Variants in CSNK2A2IP observed in about 807,000 individuals in gnomAD.
CSNK2A2IP encodes casein kinase 2 subunit alpha' interacting protein.
the CSNK2A2IP span, among the ~76,000 whole-genome samples, chr3:88,405,394 A>G: frequency 6.6e-6 from 1 of 152,152 alleles, no homozygotes; most frequent in South Asian, 2.1e-4. Flanking sequence ...TGTTTGCTAC[A>G]GGAGATCAGA....
the CSNK2A2IP span, among the ~76,000 whole-genome samples, chr3:88,449,866 T>TAGAG: frequency 2.9e-5 from 2 of 69,522 alleles, no homozygotes; most frequent in East Asian, 4.3e-4. Context: ...TATATATATA[T>TAGAG]ATATATATAG....
At chr3:88,366,551 C>G in the CSNK2A2IP span, among the ~76,000 whole-genome samples, 1 of 151,884 alleles carries the variant, frequency 6.6e-6, no homozygotes, top group Non-Finnish European at 1.5e-5. Flanking sequence ...ATTCTGTGTC[C>G]CCTACCATGT....
the CSNK2A2IP span, among the ~76,000 whole-genome samples, chr3:88,395,865 G>A: frequency 1.3e-5 from 2 of 152,060 alleles, no homozygotes; most frequent in East Asian, 1.9e-4. Context: ...ATTCAAGACA[G>A]TATTGTTTAC....
chr3:88,370,610 C>CTTTCTT, the CSNK2A2IP span, among the ~76,000 whole-genome samples: 1 of 148,034 alleles, frequency 6.8e-6, no homozygotes, highest in African/African-American at 2.5e-5. Context: ...CTCTCTCTCT[C>CTTTCTT]TCTTTCTTTC....
At chr3:88,401,103 T>C in the CSNK2A2IP span, among the ~76,000 whole-genome samples, 22 of 152,306 alleles carry the variant, frequency 1.4e-4, no homozygotes, top group African/African-American at 5.3e-4. Context: ...TATTGAGCAG[T>C]ATATAATTTG....
the CSNK2A2IP span, among the ~76,000 whole-genome samples, chr3:88,349,654 T>C: frequency 1.3e-5 from 2 of 152,058 alleles, no homozygotes; most frequent in Non-Finnish European, 2.9e-5. Context: ...AGATGCCCAG[T>C]AGTGGGATTG....
chr3:88,422,364 C>T, the CSNK2A2IP span, among the ~76,000 whole-genome samples: 1 of 152,172 alleles, frequency 6.6e-6, no homozygotes, highest in South Asian at 2.1e-4. Context: ...TTATCTGGTG[C>T]CTATCACAGG....
chr3:88,411,181 A>C, the CSNK2A2IP span, among the ~76,000 whole-genome samples: 1 of 151,926 alleles, frequency 6.6e-6, no homozygotes, highest in Non-Finnish European at 1.5e-5. Flanking sequence ...AATGTGATTA[A>C]ATTAAAATGC....
the CSNK2A2IP span, among the ~76,000 whole-genome samples, chr3:88,354,990 G>A: frequency 1.3e-5 from 2 of 152,064 alleles, no homozygotes; most frequent in Non-Finnish European, 2.9e-5. Context: ...AAGAAAGATA[G>A]GAACCAAGAA....
the CSNK2A2IP span, among the ~76,000 whole-genome samples, chr3:88,456,308 C>T: frequency 6.6e-6 from 1 of 151,926 alleles, no homozygotes; most frequent in Admixed American, 6.6e-5. Flanking sequence ...AACAATATTC[C>T]TTCTTTCAAT....
the CSNK2A2IP span, among the ~76,000 whole-genome samples, chr3:88,380,955 G>A: frequency 1.6e-4 from 25 of 152,266 alleles, no homozygotes; most frequent in African/African-American, 5.8e-4. Context: ...AGAGAGTTTG[G>A]GATGATGTAT....
chr3:88,432,920 A>G, the CSNK2A2IP span, among the ~76,000 whole-genome samples: 5 of 151,940 alleles, frequency 3.3e-5, no homozygotes, highest in South Asian at 1.0e-3. Context: ...TCTGGTTCAC[A>G]GCTCATATAT....
chr3:88,402,616 A>G, the CSNK2A2IP span, among the ~76,000 whole-genome samples: 1 of 151,400 alleles, frequency 6.6e-6, no homozygotes, highest in Non-Finnish European at 1.5e-5. Flanking sequence ...TTAAGAATTT[A>G]TACAATATGT....
chr3:88,416,143 C>T, the CSNK2A2IP span, among the ~76,000 whole-genome samples: 172 of 151,612 alleles, frequency 1.1e-3, 2 homozygotes, highest in East Asian at 0.025. Context: ...TGGTGGCACG[C>T]GCCTGTAGTC....
At chr3:88,341,394 C>G in the CSNK2A2IP span, among the ~76,000 whole-genome samples, 15 of 151,486 alleles carry the variant, frequency 9.9e-5, no homozygotes, top group African/African-American at 3.6e-4. Context: ...ACCTTAGCAT[C>G]CTAGATTTAG....
chr3:88,369,874 G>A, the CSNK2A2IP span, among the ~76,000 whole-genome samples: 1 of 151,898 alleles, frequency 6.6e-6, no homozygotes, highest in Non-Finnish European at 1.5e-5. Flanking sequence ...GGACCTAGAG[G>A]CAAGAAACCA....
At chr3:88,354,614 T>C in the CSNK2A2IP span, among the ~76,000 whole-genome samples, 1 of 152,084 alleles carries the variant, frequency 6.6e-6, no homozygotes, top group Non-Finnish European at 1.5e-5. Context: ...TGAAAGAAAA[T>C]TCACCTGTCC....
the CSNK2A2IP span, among the ~76,000 whole-genome samples, chr3:88,444,060 C>T: frequency 6.6e-6 from 1 of 151,860 alleles, no homozygotes; most frequent in Non-Finnish European, 1.5e-5. Flanking sequence ...GAAAATATTG[C>T]ATGGCTGTCT....
the CSNK2A2IP span, among the ~76,000 whole-genome samples, chr3:88,378,828 A>G: frequency 3.8e-3 from 572 of 152,152 alleles, 6 homozygotes; most frequent in Middle Eastern, 3.4e-3. Context: ...AAACAATACA[A>G]TAAATATGTG....
Sources: gnomAD v4.1 joint callset for allele counts (sites outside exome capture counted in the v4.1 genomes callset) on GRCh38, gnomAD v4.1.1 for gene constraint, MANE v1.5 for transcripts, NCBI Gene and HGNC (gene_info 2026-07-23, HGNC 2026-07-21) for gene names.